Variants in POLD1 observed in about 807,000 individuals in gnomAD.
The protein encoded by POLD1 is DNA polymerase delta catalytic subunit.
A neutral mutation model predicts 129.7 loss-of-function variants in POLD1; 79 were observed. The ratio of observed to expected loss-of-function variants is 0.61; its 90% CI spans 0.51 to 0.73. POLD1 has a LOEUF of 0.73. POLD1 is among the 30% of genes least tolerant of loss of function. The probability of loss-of-function intolerance (pLI) is 0.00; values close to 1 mark genes in which losing one functional copy is unlikely to be tolerated. For synonymous variants in POLD1, 714 were observed against 683.3 expected (o/e 1.04, Z -0.70); for missense variants, 1,338 against 1,595.8 (o/e 0.84, Z 2.75).
Position 50,406,576 on chromosome 19 carries a change from C to T in POLD1, c.1494+59C>T, listed in dbSNP as rs544567231. 23 of 1,280,994 alleles carry T rather than the reference C, an allele frequency of 1.8e-5. No individual in the cohort carries two copies. Among genetic ancestry groups the T allele is most frequent in the South Asian group, 5.1e-5 (4 of 78,148 alleles). 79.4% of individuals were successfully genotyped at this position (1,280,994 alleles called of 1,614,324 possible). Reference sequence around the variant, plus strand: ...CTCTGACCTCCACCTCACCCTTCCCCGGCCTCTGACCTCAACTTCACGCCC... The same window carrying T: ...CTCTGACCTCCACCTCACCCTTCCCTGGCCTCTGACCTCAACTTCACGCCC... On this transcript the variant is annotated intron_variant, in intron 12 of 26. Transcript: ENST00000440232. This position sits in a 1 kb window ranked among gnomAD's most constrained non-coding sequence, Gnocchi z 5.5.
intron 1 of POLD1, among the ~76,000 whole-genome samples, chr19:50,398,342 C>A (rs1030866756): frequency 1.3e-5 from 2 of 151,808 alleles, no homozygotes; most frequent in African/African-American, 2.4e-5. Flanking sequence ...GAGGCTGAGG[C>A]GAGTGGATCA....
chr19:50,417,143 G>T (rs775364537), intron 25 of POLD1, 29 bp from the exon 26 acceptor site: 4 of 1,575,172 alleles, frequency 2.5e-6, no homozygotes, highest in Non-Finnish European at 2.6e-6. Flanking sequence ...GGAGGCGGGG[G>T]CGCCCTGCTC....
At chr19:50,416,793 A>C in intron 24 of POLD1, 70 bp downstream of exon 24, 1 of 1,245,272 alleles carries the variant, frequency 8.0e-7, no homozygotes. Context: ...GATCCTAGAC[A>C]CCCACCCCAT....
At chr19:50,400,211 ATTTTTTT>A (rs549820323) in intron 3 of POLD1, among the ~76,000 whole-genome samples, 2 of 67,824 alleles carry the variant, frequency 2.9e-5, no homozygotes, top group African/African-American at 1.4e-4. Context: ...CTGGCCAATA[ATTTTTTT>A]TTTTTTTTTT....
chr19:50,401,363 A>ATG lies in POLD1; in HGVS notation c.317-411_317-410dup, dbSNP rs1266156050. 5.2e-3 allele frequency among the ~76,000 whole-genome samples: 496 copies of ATG among 95,342 alleles called. 6 individuals carry two copies. The highest frequency in any genetic ancestry group is 0.017 in the African/African-American group (348 of 21,000). The allele number at this position is 95,342 out of a possible 152,430, so 62.5% of individuals were successfully genotyped here. On this transcript the variant is annotated intron_variant, in intron 3 of 26. Transcript: ENST00000440232. ...ATAATATGTGTGTGTATTTGTGTAT[A>ATG]TGTGTATATATATATATATATATAT...
chr19:50,385,900 G>C (rs2037954856), intron 1 of POLD1, among the ~76,000 whole-genome samples: 1 of 151,694 alleles, frequency 6.6e-6, no homozygotes, highest in African/African-American at 2.4e-5. Flanking sequence ...CCCTCCCCCT[G>C]AAATGCTCTT....
intron 1 of POLD1, among the ~76,000 whole-genome samples, chr19:50,385,129 C>T (rs1314220644): frequency 6.6e-6 from 1 of 152,136 alleles, no homozygotes; most frequent in Non-Finnish European, 1.5e-5. Flanking sequence ...GTGGAAACAA[C>T]ACGATTCGCC....
chr19:50,385,507 C>G (rs543981794), intron 1 of POLD1, among the ~76,000 whole-genome samples: 164 of 149,826 alleles, frequency 1.1e-3, no homozygotes, highest in African/African-American at 3.9e-3. Flanking sequence ...ACTGAAGGAA[C>G]TTGTTGCCAC....
At chr19:50,404,278 TCCA>T (rs2038781975) in intron 10 of POLD1, among the ~76,000 whole-genome samples, 2 of 150,744 alleles carry the variant, frequency 1.3e-5, no homozygotes, top group African/African-American at 5.0e-5. Flanking sequence ...TTTTTTTTTT[TCCA>T]AGACAAAGTC....
In POLD1 at chr19:50,414,967, A is replaced by C. The variant is rs1568637090; in HGVS notation, c.2541A>C (p.Ser847=). 6.3e-7 allele frequency: 1 copy of C among 1,596,704 alleles called. No individual in the cohort carries two copies. The highest frequency in any genetic ancestry group is 8.5e-7 in the Non-Finnish European group (1 of 1,170,670). ...TCGTGGCCAACCTGGTCACTGCCTC[A>C]CTGCGCCGCCTGCTCATCGACCGGT... The part of the protein sequence containing the change: ...CPLVANLVTA[S]LRRLLIDRDP... The change falls in exon 20 of 27, where the codon TCA becomes TCC. Residue 847 remains serine (S), a synonymous_variant. Coordinates refer to ENST00000440232, the MANE Select transcript of POLD1 (RefSeq NM_002691.4).
chr19:50,392,178 C>A (rs925877376), intron 1 of POLD1, among the ~76,000 whole-genome samples: 1 of 152,162 alleles, frequency 6.6e-6, no homozygotes, highest in South Asian at 2.1e-4. Flanking sequence ...TCAAGTGATC[C>A]TCCCACCTCA....
intron 10 of POLD1, among the ~76,000 whole-genome samples, chr19:50,404,701 C>T (rs1382188584): frequency 6.6e-6 from 1 of 151,624 alleles, no homozygotes; most frequent in South Asian, 2.1e-4. Context: ...GCCTCAGCCT[C>T]CCAAGTAGCT....
At position 50,415,711 on chromosome 19, in the gene POLD1, C is replaced by A. The variant is rs761303682; in HGVS notation, c.2718-13C>A. ...ACCTGCCCTCACCCACCCGCCACCC[C>A]ATCTCCACGCAGGATGAGGAAGCGG... On this transcript the variant is annotated splice_polypyrimidine_tract_variant and intron_variant, in intron 21 of 26. Coordinates refer to ENST00000440232, the MANE Select transcript of POLD1 (RefSeq NM_002691.4). The A allele has an allele frequency of 6.5e-7, 1 of 1,535,184 alleles. No individual in the cohort carries two copies. Among genetic ancestry groups the A allele is most frequent in the South Asian group, 1.2e-5 (1 of 83,654 alleles).
Position 50,402,350 on chromosome 19 carries a change from G to A in POLD1, c.735G>A (p.Glu245=), listed in dbSNP as rs745841154. 2.5e-6 allele frequency: 4 copies of A among 1,611,218 alleles called. No individual in the cohort carries two copies. The highest frequency in any genetic ancestry group is 3.4e-6 in the Non-Finnish European group (4 of 1,177,864). The change falls in exon 6 of 27, where the codon GAG becomes GAA. Residue 245 remains glutamate (E), a synonymous_variant. Coordinates refer to ENST00000440232, the MANE Select transcript of POLD1 (RefSeq NM_002691.4). ...GLGTPSFAPY[E]ANVDFEIRFM... ...GCACGCCCAGCTTCGCGCCCTACGA[G>A]GCCAACGTCGACTTTGAGATCCGGT... is the stretch of plus-strand genomic sequence containing the variant.
chr19:50,385,118 C>A (rs924104370), intron 1 of POLD1, among the ~76,000 whole-genome samples: 1 of 152,106 alleles, frequency 6.6e-6, no homozygotes, highest in Non-Finnish European at 1.5e-5. Flanking sequence ...AGGGTTTGAG[C>A]GTGGAAACAA....
intron 3 of POLD1, among the ~76,000 whole-genome samples, chr19:50,401,391 A>ATATATATTTTTTTTTTTTTTTTTTT (rs1334231607): frequency 1.5e-5 from 1 of 65,990 alleles, no homozygotes; most frequent in Non-Finnish European, 2.6e-5. Context: ...ATATATATAT[A>ATATATATTTTTTTTTTTTTTTTTTT]TTTTTTTTTT....
intron 19 of POLD1, 127 bp downstream of exon 19, chr19:50,414,006 G>A (rs2039187173): frequency 9.5e-7 from 1 of 1,049,592 alleles, no homozygotes. Flanking sequence ...CCTGAGGCTG[G>A]GGCCTTGGTT....
At chr19:50,396,808 AAC>A (rs1344241548) in intron 1 of POLD1, among the ~76,000 whole-genome samples, 1 of 152,104 alleles carries the variant, frequency 6.6e-6, no homozygotes, top group Non-Finnish European at 1.5e-5. Context: ...TAATTAAGAA[AAC>A]ACAGGCCAGG....
intron 19 of POLD1, among the ~76,000 whole-genome samples, chr19:50,414,194 C>A (rs1055955176): frequency 6.6e-6 from 1 of 152,256 alleles, no homozygotes; most frequent in Non-Finnish European, 1.5e-5. Context: ...CACCTTAGAT[C>A]TGTGCACCAT....
Sources: allele counts gnomAD v4.1 joint callset (sites outside exome capture counted in the v4.1 genomes callset), GRCh38; gene constraint gnomAD v4.1.1; non-coding constraint Gnocchi (gnomAD v3.1); transcripts MANE v1.5; gene names NCBI Gene and HGNC (gene_info 2026-07-23, HGNC 2026-07-21).